PPP2R3A: variants seen among roughly 807,000 people sequenced by gnomAD.
PPP2R3A encodes protein phosphatase 2 regulatory subunit B''alpha.
PPP2R3A carries 80 observed loss-of-function variants against 106.9 expected under a neutral mutation model. That is an observed-to-expected ratio of 0.75 (90% CI 0.62 to 0.90). PPP2R3A has a LOEUF of 0.90. Among genes scored for constraint, PPP2R3A ranks in the 40% least tolerant of loss-of-function variants. The pLI is 0.00. For synonymous variants in PPP2R3A, 483 were observed against 468.3 expected, an observed-to-expected ratio of 1.03 and a Z score of -0.41; for missense variants, 1,386 against 1,350.4, an observed-to-expected ratio of 1.03 and a Z score of -0.41.
At chr3:136,101,583 C>T (rs1375722785) in intron 10 of PPP2R3A, among the ~76,000 whole-genome samples, 1 of 152,100 alleles carries the variant, frequency 6.6e-6, no homozygotes, top group Admixed American at 6.6e-5. Flanking sequence ...CACCACCATG[C>T]GCAGCTAGTT....
At chr3:135,986,821 T>A (rs755831166) in intron 1 of PPP2R3A, among the ~76,000 whole-genome samples, 10 of 152,196 alleles carry the variant, frequency 6.6e-5, no homozygotes, top group Non-Finnish European at 1.3e-4. Flanking sequence ...GAACATATGC[T>A]TTTATTTCTT....
intron 2 of PPP2R3A, among the ~76,000 whole-genome samples, chr3:136,015,606 G>T (rs1010180586): frequency 1.3e-5 from 2 of 151,910 alleles, no homozygotes; most frequent in African/African-American, 4.8e-5. Context: ...GTGCATGAAG[G>T]TGTTCATAGT....
intron 3 of PPP2R3A, among the ~76,000 whole-genome samples, chr3:136,029,832 C>T (rs1388103732): frequency 2.0e-5 from 3 of 152,178 alleles, no homozygotes; most frequent in African/African-American, 7.2e-5. Context: ...TTGTTCATTG[C>T]TCTTAGATCT....
rs139992411 is a variant in PPP2R3A, at chr3:136,103,309, A to G, written c.3155A>G (p.Tyr1052Cys). The change falls in exon 12 of 14, where the codon TAT becomes TGT. Residue 1052 changes from tyrosine to cysteine, a missense_variant. Physicochemically the swap from Tyr to Cys is radical, Grantham distance 194. Transcript: ENST00000264977. ...LKRCRMAHIF[Y>C]DTFFNLEKYL... ...AGGTGCAGAATGGCTCACATCTTCT[A>G]TGACACTTTCTTTAATCTGGAGAAA... 381 of 1,611,756 alleles carry G rather than the reference A, an allele frequency of 2.4e-4. No individual in the cohort carries two copies. Among genetic ancestry groups the G allele is most frequent in the Non-Finnish European group, 3.0e-4 (348 of 1,178,008 alleles).
chr3:136,013,750 A>G (rs1934174242), intron 2 of PPP2R3A, among the ~76,000 whole-genome samples: 1 of 148,048 alleles, frequency 6.8e-6, no homozygotes, highest in South Asian at 2.2e-4. Flanking sequence ...TAGATTCTGG[A>G]TATTAGTCCT....
chr3:136,031,873 T>G (rs926302758), intron 3 of PPP2R3A, among the ~76,000 whole-genome samples: 1 of 152,240 alleles, frequency 6.6e-6, no homozygotes, highest in African/African-American at 2.4e-5. Context: ...GTGCCTATTT[T>G]TATAACAGTA....
At chr3:136,004,336 T>C (rs1433045195) in intron 2 of PPP2R3A, among the ~76,000 whole-genome samples, 4 of 152,198 alleles carry the variant, frequency 2.6e-5, no homozygotes, top group Non-Finnish European at 5.9e-5. Context: ...CTCTACTTCA[T>C]TCAAGGACCC....
chr3:135,988,958 T>C (rs1015255096), intron 1 of PPP2R3A, among the ~76,000 whole-genome samples: 4 of 152,176 alleles, frequency 2.6e-5, no homozygotes, highest in African/African-American at 4.8e-5. Flanking sequence ...CGTGTTGAGA[T>C]GGGAATGTTC....
At chr3:136,018,929 CAGGAA>C (rs1934370596) in intron 2 of PPP2R3A, among the ~76,000 whole-genome samples, 1 of 152,138 alleles carries the variant, frequency 6.6e-6, no homozygotes, top group Non-Finnish European at 1.5e-5. Flanking sequence ...AATGGTAAGG[CAGGAA>C]AGGAACCCCA....
At chr3:136,007,462 C>G (rs969402347) in intron 2 of PPP2R3A, among the ~76,000 whole-genome samples, 3 of 152,170 alleles carry the variant, frequency 2.0e-5, no homozygotes, top group African/African-American at 7.2e-5. Context: ...ACTCAAGTAT[C>G]TTACCTAGAC....
chr3:135,999,556 AT>A (rs573237116), intron 1 of PPP2R3A, among the ~76,000 whole-genome samples: 152 of 149,428 alleles, frequency 1.0e-3, no homozygotes, highest in African/African-American at 3.3e-3. Flanking sequence ...ATTCTTTGGC[AT>A]TTTTTTTTTA....
intron 1 of PPP2R3A, among the ~76,000 whole-genome samples, chr3:135,999,275 G>T (rs1050004925): frequency 6.6e-6 from 1 of 152,130 alleles, no homozygotes; most frequent in Non-Finnish European, 1.5e-5. Flanking sequence ...TCTCCATTTT[G>T]CCGTTGAAAC....
In PPP2R3A at chr3:136,078,418, A is replaced by C. The variant is rs1466635443; in HGVS notation, c.2596A>C (p.Thr866Pro). The stretch of plus-strand genomic sequence containing the variant: ...CAACAGATCTTGGAGTGGAAAAATT[A>C]CTTCGACAGAGATAAGAAAAAGCAA... ...TVNRSWSGKI[T>P]STEIRKSNFL... is the part of the protein sequence containing the mutation. The change falls in exon 7 of 14, where the codon ACT becomes CCT. Residue 866 changes from threonine to proline, a missense_variant. Physicochemically the swap from Thr to Pro is conservative, Grantham distance 38. Transcript: ENST00000264977. 1.9e-6 allele frequency: 3 copies of C among 1,611,166 alleles called. No homozygotes were observed. The highest frequency in any genetic ancestry group is 2.2e-5 in the South Asian group (2 of 90,708).
At chr3:136,098,633 A>G (rs918644101) in intron 10 of PPP2R3A, among the ~76,000 whole-genome samples, 1 of 152,204 alleles carries the variant, frequency 6.6e-6, no homozygotes, top group African/African-American at 2.4e-5. Context: ...CCTATTACCA[A>G]TTAATGTTGT....
At chr3:136,097,196 G>GAA (rs978564058) in intron 10 of PPP2R3A, among the ~76,000 whole-genome samples, 8 of 133,076 alleles carry the variant, frequency 6.0e-5, no homozygotes, top group Non-Finnish European at 1.2e-4. Flanking sequence ...CCTTTGGTAA[G>GAA]AAAAAAAAAA....
intron 13 of PPP2R3A, among the ~76,000 whole-genome samples, chr3:136,109,148 TGAG>T (rs1293106966): frequency 6.6e-6 from 1 of 152,026 alleles, no homozygotes. Flanking sequence ...GATGTAAAAA[TGAG>T]GAAGTAAATA....
intron 13 of PPP2R3A, among the ~76,000 whole-genome samples, chr3:136,144,313 T>C (rs2108042470): frequency 6.6e-6 from 1 of 152,346 alleles, no homozygotes; most frequent in African/African-American, 2.4e-5. Context: ...GAACATCTTT[T>C]TGTGTTGCTT....
chr3:135,965,952 G>C (rs1373267968), intron 1 of PPP2R3A, 103 bp downstream of exon 1: 1 of 153,874 alleles, frequency 6.5e-6, no homozygotes, highest in Admixed American at 6.5e-5. Flanking sequence ...GCCGGGGCGG[G>C]CGGGGCCGGG....
At chr3:136,067,715 G>A (rs995785371) in intron 5 of PPP2R3A, among the ~76,000 whole-genome samples, 2 of 152,206 alleles carry the variant, frequency 1.3e-5, no homozygotes, top group Non-Finnish European at 2.9e-5. Flanking sequence ...ATTAGTGAAT[G>A]AAGGCATAAA....
Sources: allele counts gnomAD v4.1 joint callset (sites outside exome capture counted in the v4.1 genomes callset), GRCh38; gene constraint gnomAD v4.1.1; transcripts MANE v1.5; gene names NCBI Gene and HGNC (gene_info 2026-07-23, HGNC 2026-07-21).